TRMT11: variants seen among roughly 807,000 people sequenced by gnomAD.
TRMT11 encodes tRNA (guanine(10)-N(2))-methyltransferase TRMT11.
Under a neutral mutation model 62.8 loss-of-function variants are expected in TRMT11, and 53 were observed. That is an observed-to-expected ratio of 0.84 (90% CI 0.68 to 1.06). The LOEUF (loss-of-function observed/expected upper bound fraction) is 1.06, where lower values mean the gene tolerates loss of function less well. Among genes scored for constraint, TRMT11 ranks in the 50% least tolerant of loss-of-function variants. The pLI, the probability that TRMT11 is intolerant of heterozygous loss-of-function variation, is 0.00. For synonymous variants in TRMT11, 188 were observed against 190.3 expected, an observed-to-expected ratio of 0.99 and a Z score of 0.10; for missense variants, 556 against 553.4, an observed-to-expected ratio of 1.00 and a Z score of -0.05.
chr6:126,183,544 G>T (rs1055560633), intron 1 of TRMT11, among the ~76,000 whole-genome samples: 2 of 152,186 alleles, frequency 1.3e-5, no homozygotes, highest in African/African-American at 2.4e-5. Context: ...TACTTGGGCA[G>T]TTTAGAAGAG....
chr6:126,233,916 T>C, the TRMT11 span, among the ~76,000 whole-genome samples: 2 of 152,164 alleles, frequency 1.3e-5, no homozygotes, highest in African/African-American at 4.8e-5. Context: ...AATAAAACTT[T>C]CCATACAATA....
At chr6:126,113,682 C>T (rs775484721) in intron 18 of TRMT11, among the ~76,000 whole-genome samples, 5 of 151,926 alleles carry the variant, frequency 3.3e-5, no homozygotes, top group Non-Finnish European at 5.9e-5. Context: ...CAGAGTGGAG[C>T]CTCAAAAAGT....
intron 21 of TRMT11, among the ~76,000 whole-genome samples, chr6:126,131,353 A>G (rs556095649): frequency 6.6e-6 from 1 of 152,050 alleles, no homozygotes; most frequent in Non-Finnish European, 1.5e-5. Context: ...GCTTAGCAGT[A>G]TTGGCAGGGT....
At position 125,993,931 on chromosome 6, in the gene TRMT11, C is replaced by G. The variant is rs942504430; in HGVS notation, c.138+109C>G. 8.2e-6 allele frequency: 5 copies of G among 610,398 alleles called. No individual in the cohort carries two copies. The South Asian group carries it at 1.6e-4, about 19-fold the overall frequency. The allele number at this position is 610,398 out of a possible 1,614,324, so 37.8% of individuals were successfully genotyped here. On this transcript the variant is annotated intron_variant, in intron 2 of 12. Coordinates refer to ENST00000334379, the MANE Select transcript of TRMT11 (RefSeq NM_001031712.3). ...TTTATATTTGTATGGTTACTTGTAT[C>G]TGTTTCAAGAGGCAGTGGAATAAAG... is the stretch of plus-strand genomic sequence containing the variant.
chr6:126,094,441 A>C (rs1777317875), intron 17 of TRMT11, among the ~76,000 whole-genome samples: 1 of 152,196 alleles, frequency 6.6e-6, no homozygotes, highest in South Asian at 2.1e-4. Context: ...ACACAGGCTT[A>C]AGGAGCTTTA....
At chr6:126,258,401 C>T in the TRMT11 span, 1 of 334,594 alleles carries the variant, frequency 3.0e-6, no homozygotes, top group Admixed American at 4.0e-5. Flanking sequence ...CGCCAGCTGC[C>T]TGGCTCCTGG....
chr6:126,233,875 G>A, the TRMT11 span, among the ~76,000 whole-genome samples: 5 of 152,074 alleles, frequency 3.3e-5, no homozygotes, highest in Non-Finnish European at 7.4e-5. Context: ...GGGCCACAAA[G>A]TCATGATGTG....
chr6:126,141,795 G>A lies in TRMT11; in HGVS notation c.*1823+25940G>A, dbSNP rs112950339. Among the ~76,000 whole-genome samples the A allele has an allele frequency of 8.9e-3, 1,351 of 152,136 alleles. 16 individuals carry two copies. The highest frequency in any genetic ancestry group is 0.03 in the African/African-American group (1,242 of 41,546). ...TATTAATAAATGCTTTTTATTCTAAGCGTAAGTGAAGTCAAGTCTAGTTAA... is the reference window on the plus strand; with the variant it reads ...TATTAATAAATGCTTTTTATTCTAAACGTAAGTGAAGTCAAGTCTAGTTAA... On this transcript the variant is annotated intron_variant and NMD_transcript_variant, in intron 21 of 22. Coordinates refer to the TRMT11 transcript ENST00000648977.
chr6:126,155,718 A>G (rs1211917831), intron 21 of TRMT11, among the ~76,000 whole-genome samples: 1 of 152,126 alleles, frequency 6.6e-6, no homozygotes, highest in Non-Finnish European at 1.5e-5. Context: ...CAGGCAAGTT[A>G]TTAAATCTCT....
intron 17 of TRMT11, among the ~76,000 whole-genome samples, chr6:126,106,099 C>A (rs534732911): frequency 1.8e-4 from 28 of 151,998 alleles, no homozygotes; most frequent in Admixed American, 1.5e-3. Flanking sequence ...GTCCATGTGA[C>A]ATCCTTATTT....
intron 1 of TRMT11, 107 bp from the exon 2 acceptor site, chr6:125,993,650 A>G (rs546855576): frequency 1.8e-6 from 1 of 570,326 alleles, no homozygotes; most frequent in African/African-American, 1.9e-5. Context: ...CCTCAGTTAG[A>G]TCTTCAGCCT....
intron 21 of TRMT11, among the ~76,000 whole-genome samples, chr6:126,159,026 G>A (rs1267766323): frequency 6.6e-6 from 1 of 152,150 alleles, no homozygotes; most frequent in Non-Finnish European, 1.5e-5. Flanking sequence ...CTGTGCAGAT[G>A]TGGGTGACAT....
At chr6:126,042,395 C>T (rs1277026541), downstream of TRMT11, among the ~76,000 whole-genome samples, 2 of 152,078 alleles carry the variant, frequency 1.3e-5, no homozygotes, top group African/African-American at 4.8e-5. Context: ...AGACAGGGCT[C>T]TTTGGGGGAT....
At chr6:126,193,225 GTC>G (rs1223176667) in intron 1 of TRMT11, among the ~76,000 whole-genome samples, 1 of 151,848 alleles carries the variant, frequency 6.6e-6, no homozygotes, top group Admixed American at 6.6e-5. Flanking sequence ...GTTTATTATA[GTC>G]TCTAATGATC....
At chr6:126,240,711 G>A in the TRMT11 span, among the ~76,000 whole-genome samples, 1 of 152,202 alleles carries the variant, frequency 6.6e-6, no homozygotes, top group South Asian at 2.1e-4. Flanking sequence ...CTGTGTGCTG[G>A]GAGAACCACT....
chr6:126,120,364 T>G (rs1166148989), intron 21 of TRMT11, among the ~76,000 whole-genome samples: 2 of 152,172 alleles, frequency 1.3e-5, no homozygotes, highest in Non-Finnish European at 2.9e-5. Context: ...TGTCCATGGA[T>G]GATTGCTATT....
At chr6:126,083,892 C>T (rs890805408) in intron 17 of TRMT11, among the ~76,000 whole-genome samples, 1 of 152,096 alleles carries the variant, frequency 6.6e-6, no homozygotes, top group Non-Finnish European at 1.5e-5. Context: ...GTTCTCCAGT[C>T]TGATGCATAT....
rs144437632 is a variant in TRMT11 at position 126,150,577 on chromosome 6, A to G, written c.*1824-24248A>G. ...AGGTGCTCAAGTAATACTTGTGAAT[A>G]CGAGGGCATAGTGGTTTCTCTATCA... On this transcript the variant is annotated intron_variant and NMD_transcript_variant, in intron 21 of 22. Coordinates refer to the TRMT11 transcript ENST00000648977. 5.3e-4 allele frequency among the ~76,000 whole-genome samples: 81 copies of G among 152,336 alleles called. 1 individual carries two copies. The highest frequency in any genetic ancestry group is 9.7e-4 in the Non-Finnish European group (66 of 68,028).
intron 17 of TRMT11, among the ~76,000 whole-genome samples, chr6:126,090,217 T>G (rs1440869914): frequency 1.3e-5 from 2 of 152,204 alleles, no homozygotes; most frequent in Non-Finnish European, 2.9e-5. Context: ...TGGCAACTCT[T>G]TCTCATATGT....
Sources: allele counts gnomAD v4.1 joint callset (sites outside exome capture counted in the v4.1 genomes callset), GRCh38; gene constraint gnomAD v4.1.1; transcripts MANE v1.5; gene names NCBI Gene and HGNC (gene_info 2026-07-23, HGNC 2026-07-21).